Variants in AFF2 observed in about 807,000 individuals in gnomAD.
AFF2 encodes the protein AF4/FMR2 family member 2.
A neutral mutation model predicts 76.9 loss-of-function variants in AFF2; 14 were observed. The observed-to-expected ratio is 0.18, with a 90% CI of 0.12 to 0.28. The LOEUF is 0.28. Ranked by LOEUF, AFF2 falls within the 10% of genes least tolerant of loss-of-function variation. The pLI is 1.00. For synonymous variants in AFF2, 398 were observed against 366.7 expected (o/e 1.09, Z -0.98); for missense variants, 868 against 1,001.1 (o/e 0.87, Z 1.79).
At chrX:148,518,424 C>T (rs1382806055) in intron 1 of AFF2, among the ~76,000 whole-genome samples, 4 of 112,600 alleles carry the variant, frequency 3.6e-5, no homozygotes, top group African/African-American at 1.3e-4. Flanking sequence ...AAGTTATCCA[C>T]GACCATGGGT....
chrX:148,570,318 C>A (rs1256396820), intron 1 of AFF2, among the ~76,000 whole-genome samples: 2 of 112,073 alleles, frequency 1.8e-5, no homozygotes, highest in African/African-American at 3.2e-5. Flanking sequence ...TGGCTTATTT[C>A]TCTGACAACC....
intron 3 of AFF2, among the ~76,000 whole-genome samples, chrX:148,669,598 G>T (rs1404149412): frequency 2.7e-5 from 3 of 110,903 alleles, no homozygotes; most frequent in Non-Finnish European, 5.7e-5. Flanking sequence ...ATAACCATCA[G>T]ATCTCGTGAG....
intron 12 of AFF2, among the ~76,000 whole-genome samples, chrX:148,959,624 G>A (rs1293575276): frequency 8.9e-6 from 1 of 112,250 alleles, no homozygotes; most frequent in Admixed American, 9.4e-5. Context: ...CCTGCCCCCA[G>A]GATCAGTAGT....
intron 3 of AFF2, among the ~76,000 whole-genome samples, chrX:148,694,175 C>CGGGGGGGGGGGGGGTGGGGGGGG (rs67194871): frequency 1.4e-5 from 1 of 72,851 alleles, no homozygotes; most frequent in Non-Finnish European, 2.5e-5. Flanking sequence ...GTTGTGGGGT[C>CGGGGGGGGGGGGGGTGGGGGGGG]GGGGGGGGGG....
At chrX:148,928,325 C>T (rs1557284030) in intron 9 of AFF2, among the ~76,000 whole-genome samples, 1 of 112,410 alleles carries the variant, frequency 8.9e-6, no homozygotes, top group African/African-American at 3.2e-5. Flanking sequence ...GTCAATTCTA[C>T]TGGGATTTAA....
At chrX:148,634,183 T>C (rs1396802038) in intron 1 of AFF2, among the ~76,000 whole-genome samples, 1 of 112,112 alleles carries the variant, frequency 8.9e-6, no homozygotes, top group Non-Finnish European at 1.9e-5. Context: ...TACAATAAAG[T>C]GTTTCGCAGG....
chrX:148,656,523 G>A (rs1301977243), intron 2 of AFF2, among the ~76,000 whole-genome samples: 2 of 84,043 alleles, frequency 2.4e-5, no homozygotes, highest in African/African-American at 5.0e-5. Flanking sequence ...TTTTTGAGAC[G>A]GAGTCTCGCT....
chrX:148,800,412 C>T (rs2070041305), intron 3 of AFF2, among the ~76,000 whole-genome samples: 1 of 112,101 alleles, frequency 8.9e-6, no homozygotes, highest in Non-Finnish European at 1.9e-5. Flanking sequence ...ATTCCATTTA[C>T]ATTGCTTTAA....
chrX:148,824,455 A>G (rs1557272830), intron 4 of AFF2, among the ~76,000 whole-genome samples: 1 of 112,258 alleles, frequency 8.9e-6, no homozygotes, highest in Admixed American at 9.5e-5. Context: ...GTTGGTGGAC[A>G]TATTAATTAG....
chrX:148,964,052 A>T (rs1480051936), intron 13 of AFF2, among the ~76,000 whole-genome samples: 2 of 112,190 alleles, frequency 1.8e-5, no homozygotes, highest in Non-Finnish European at 3.8e-5. Context: ...TAAGAAATAC[A>T]TTTCACATTT....
intron 3 of AFF2, among the ~76,000 whole-genome samples, chrX:148,774,872 T>C (rs2069648696): frequency 8.9e-6 from 1 of 112,216 alleles, no homozygotes; most frequent in Non-Finnish European, 1.9e-5. Context: ...TGTTTTATCA[T>C]GTAATGAACT....
intron 3 of AFF2, among the ~76,000 whole-genome samples, chrX:148,736,450 A>AT (rs1557265090): frequency 1.8e-5 from 2 of 109,145 alleles, no homozygotes; most frequent in African/African-American, 6.7e-5. Flanking sequence ...TCCTTAGCCC[A>AT]TTTTTTGATG....
At chrX:148,710,782 C>G (rs1243710471) in intron 3 of AFF2, among the ~76,000 whole-genome samples, 1 of 110,789 alleles carries the variant, frequency 9.0e-6, no homozygotes, top group Non-Finnish European at 1.9e-5. Context: ...ATTTATTTGC[C>G]CTAGGTATAT....
chrX:148,602,810 A>G (rs2053638583), intron 1 of AFF2, among the ~76,000 whole-genome samples: 1 of 78,008 alleles, frequency 1.3e-5, no homozygotes, highest in Non-Finnish European at 2.4e-5. Context: ...GAATAATAGT[A>G]GCCACTTCAA....
Position 148,700,210 on chromosome X carries a change from A to G in AFF2, c.1041+37442A>G, listed in dbSNP as rs926015063. The stretch of plus-strand genomic sequence containing the variant: ...TCTACCTTGGCCACTTTCATTGAGC[A>G]GATGAACTAAAAAGTTGCCAAATCT... On this transcript the variant is annotated intron_variant, in intron 3 of 20. Transcript: ENST00000370460. 1.7e-4 allele frequency among the ~76,000 whole-genome samples: 19 copies of G among 111,527 alleles called. No homozygotes were observed. In the Admixed American group the frequency reaches 1.8e-3, roughly 11 times the overall value.
At chrX:148,945,697 T>G (rs2071892122) in intron 9 of AFF2, among the ~76,000 whole-genome samples, 1 of 112,313 alleles carries the variant, frequency 8.9e-6, no homozygotes. Context: ...CTCACCTAAA[T>G]TACCTCATCC....
Position 148,662,752 on chromosome X carries a change from T to A in AFF2, c.1025T>A (p.Ile342Asn). 1 of 1,208,980 alleles carries A rather than the reference T, an allele frequency of 8.3e-7. No individual in the cohort carries two copies. Among genetic ancestry groups the A allele is most frequent in the Non-Finnish European group, 1.1e-6 (1 of 893,679 alleles). Residue 342 changes from isoleucine (I) to asparagine (N), a missense_variant, in exon 3 of 21, where the codon ATC becomes AAC. By Grantham distance (149) the Ile-to-Asn change is moderately radical. This residue lies in a region of AFF2 where 532 missense variants were observed against 564.2 expected (regional missense o/e 0.94). Coordinates refer to ENST00000370460, the MANE Select transcript of AFF2 (RefSeq NM_002025.4). ...AAGACTAAACTGCCAAAGTTCACCA[T>A]CCTCCAAACAAGTGAAGTAAGTAAT... The part of the protein sequence containing the change: ...SSKTKLPKFT[I>N]LQTSEVSLPS...
intron 1 of AFF2, chrX:148,547,225 G>A (rs1012356833): frequency 1.6e-4 from 16 of 99,069 alleles, no homozygotes; most frequent in African/African-American, 4.9e-4. Flanking sequence ...TGCAGTGAAG[G>A]GTCCAGAGTG....
intron 1 of AFF2, among the ~76,000 whole-genome samples, chrX:148,555,597 C>T (rs1205916573): frequency 8.9e-6 from 1 of 111,973 alleles, no homozygotes; most frequent in Non-Finnish European, 1.9e-5. Context: ...ACATGTCCCT[C>T]AGCAATATCA....
Sources: allele counts gnomAD v4.1 joint callset (sites outside exome capture counted in the v4.1 genomes callset), GRCh38; gene constraint gnomAD v4.1.1; regional missense constraint gnomAD v4.1.1; transcripts MANE v1.5; gene names NCBI Gene and HGNC (gene_info 2026-07-23, HGNC 2026-07-21).